Variants in NRG1 observed in about 807,000 individuals in gnomAD.
NRG1 encodes the protein neuregulin 1, also known as pro-neuregulin-1, membrane-bound isoform.
A neutral mutation model predicts 63.8 loss-of-function variants in NRG1; 18 were observed. That is an observed-to-expected ratio of 0.28 (90% CI 0.19 to 0.42). The LOEUF (loss-of-function observed/expected upper bound fraction) is 0.42. Ranked by LOEUF, NRG1 falls within the 10% of genes least tolerant of loss-of-function variation. NRG1 has a pLI of 1.00. For missense variants in NRG1, 762 were observed against 814.7 expected (o/e 0.94, Z 0.79); for synonymous variants, 302 against 301.3 (o/e 1.00, Z -0.02).
At chr8:31,754,911 G>T (rs923935390) in intron 1 of NRG1, among the ~76,000 whole-genome samples, 1 of 152,014 alleles carries the variant, frequency 6.6e-6, no homozygotes, top group Non-Finnish European at 1.5e-5. Flanking sequence ...CTGGAGTGGG[G>T]GTTGATTTGG....
chr8:31,779,112 T>C (rs1229120244), intron 1 of NRG1, among the ~76,000 whole-genome samples: 2 of 152,144 alleles, frequency 1.3e-5, no homozygotes, highest in Admixed American at 1.3e-4. Flanking sequence ...TGACTTTTCT[T>C]TTCATCATCT....
At chr8:32,353,099 C>A (rs1805853841) in intron 1 of NRG1, among the ~76,000 whole-genome samples, 1 of 150,418 alleles carries the variant, frequency 6.6e-6, no homozygotes, top group Non-Finnish European at 1.5e-5. Context: ...CCTAGGCCTT[C>A]TTCCTCAAAA....
chr8:32,577,796 T>A (rs568040781), intron 1 of NRG1, among the ~76,000 whole-genome samples: 43 of 152,270 alleles, frequency 2.8e-4, no homozygotes, highest in Non-Finnish European at 5.0e-4. Context: ...CTCTTTTTTT[T>A]AAACTGTTAT....
rs988104814 is a variant in NRG1, at chr8:32,387,135, A to C, written c.38-208693A>C. ...GTAACATAGGTAGTTTTCAGATTTT[A>C]AAAGCAATTTTCAGTAAATACAAGT... On this transcript the variant is annotated intron_variant, in intron 1 of 10. Transcript: ENST00000519301. Among the ~76,000 whole-genome samples the C allele has an allele frequency of 2.6e-5, 4 of 152,312 alleles. No individual in the cohort carries two copies. In the East Asian group the frequency reaches 7.7e-4, roughly 29 times the overall value.
chr8:32,143,312 G>A (rs181305845), intron 1 of NRG1, among the ~76,000 whole-genome samples: 3 of 152,130 alleles, frequency 2.0e-5, no homozygotes, highest in East Asian at 3.9e-4. Flanking sequence ...AATATAGAAT[G>A]TATGAAAAAA....
chr8:32,510,934 C>T (rs1438906710), intron 1 of NRG1, among the ~76,000 whole-genome samples: 1 of 147,896 alleles, frequency 6.8e-6, no homozygotes, highest in Non-Finnish European at 1.5e-5. Flanking sequence ...CTGTTGGAAT[C>T]TTCCTTTCTT....
chr8:31,641,204 G>C (rs931176410), intron 1 of NRG1, among the ~76,000 whole-genome samples: 1 of 152,136 alleles, frequency 6.6e-6, no homozygotes, highest in Non-Finnish European at 1.5e-5. Flanking sequence ...GCAAGGAAGG[G>C]GCAGTGCACT....
Position 32,252,744 on chromosome 8 carries a change from A to G in NRG1, c.38-343084A>G, listed in dbSNP as rs189794532. Among the ~76,000 whole-genome samples the G allele has an allele frequency of 7.2e-4, 110 of 152,318 alleles. 6 individuals are homozygous for G. In the East Asian group the frequency reaches 0.019, roughly 27 times the overall value. ...TAATTCTGTGAAGAAAGTCAATAGT[A>G]GCTTGATGGGGATAGCATTGAATCT... is the stretch of plus-strand genomic sequence containing the variant. On this transcript the variant is annotated intron_variant, in intron 1 of 10. Coordinates refer to the NRG1 transcript ENST00000519301.
At chr8:31,761,878 A>G (rs923992192) in intron 1 of NRG1, among the ~76,000 whole-genome samples, 1 of 152,220 alleles carries the variant, frequency 6.6e-6, no homozygotes, top group Non-Finnish European at 1.5e-5. Context: ...GGTTGCCACA[A>G]AGATTTAATA....
At chr8:32,087,490 T>TTTTTTTC (rs1828413040) in intron 1 of NRG1, among the ~76,000 whole-genome samples, 1 of 134,536 alleles carries the variant, frequency 7.4e-6, no homozygotes, top group Non-Finnish European at 1.6e-5. Context: ...TTCTTTTTTT[T>TTTTTTTC]TTTTTTTTTG....
In NRG1 at chr8:32,399,594, A is replaced by G. The variant is rs183801299; in HGVS notation, c.38-196234A>G. Among the ~76,000 whole-genome samples the G allele has an allele frequency of 2.1e-4, 32 of 152,284 alleles. No homozygotes were observed. In the East Asian group the frequency reaches 6.2e-3, roughly 29 times the overall value. On this transcript the variant is annotated intron_variant, in intron 1 of 10. Transcript: ENST00000519301. ...GTGGCAAGTGCCTGTAATCCCAGCT[A>G]CTTGGGAGGCTGAGGTAGGAGAATC...
chr8:32,377,705 C>G (rs115025602), intron 1 of NRG1, among the ~76,000 whole-genome samples: 1,543 of 152,122 alleles, frequency 0.01, 22 homozygotes, highest in African/African-American at 0.03. Context: ...TTCTTTATTC[C>G]CTCCTCCCCA....
At chr8:32,155,806 G>T (rs1838000481) in intron 1 of NRG1, among the ~76,000 whole-genome samples, 1 of 152,118 alleles carries the variant, frequency 6.6e-6, no homozygotes. Context: ...ATGCAATATA[G>T]AAACTTTCTT....
At chr8:32,333,758 CT>C in intron 1 of NRG1, among the ~76,000 whole-genome samples, 1 of 152,222 alleles carries the variant, frequency 6.6e-6, no homozygotes, top group South Asian at 2.1e-4. Flanking sequence ...TTACAGATAC[CT>C]TGTGCTTTGT....
At chr8:32,703,579 A>T (rs1815549559) in intron 5 of NRG1, among the ~76,000 whole-genome samples, 1 of 152,150 alleles carries the variant, frequency 6.6e-6, no homozygotes, top group Non-Finnish European at 1.5e-5. Context: ...AATGTAATTC[A>T]CTTTCTTCTG....
At chr8:32,110,776 G>A (rs933848860) in intron 1 of NRG1, among the ~76,000 whole-genome samples, 6 of 152,016 alleles carry the variant, frequency 3.9e-5, no homozygotes, top group Non-Finnish European at 7.4e-5. Context: ...TTCCCTTTCC[G>A]CACAGTCCCC....
intron 5 of NRG1, among the ~76,000 whole-genome samples, chr8:32,627,533 C>T (rs1849513496): frequency 6.6e-6 from 1 of 152,136 alleles, no homozygotes; most frequent in African/African-American, 2.4e-5. Context: ...AGGTTTCAAA[C>T]TTCTGGGCTC....
At chr8:31,788,184 A>G (rs1303273791) in intron 1 of NRG1, among the ~76,000 whole-genome samples, 1 of 152,112 alleles carries the variant, frequency 6.6e-6, no homozygotes, top group Non-Finnish European at 1.5e-5. Flanking sequence ...AAAATTGGGA[A>G]AAAATTAAGA....
At chr8:32,375,903 G>A (rs1354885625) in intron 1 of NRG1, among the ~76,000 whole-genome samples, 4 of 152,064 alleles carry the variant, frequency 2.6e-5, no homozygotes, top group Non-Finnish European at 5.9e-5. Context: ...TAAAGACAAG[G>A]TTTGACTTAC....
Sources: gnomAD v4.1 joint callset for allele counts (sites outside exome capture counted in the v4.1 genomes callset) on GRCh38, gnomAD v4.1.1 for gene constraint, MANE v1.5 for transcripts, NCBI Gene and HGNC (gene_info 2026-07-23, HGNC 2026-07-21) for gene names.